The following CPNE4 variants were observed in gnomAD, a reference collection of about 807,000 sequenced individuals.
CPNE4 encodes copine-4.
Under a neutral mutation model 67.9 loss-of-function variants are expected in CPNE4, and 25 were observed. The observed-to-expected ratio is 0.37, with a 90% confidence interval of 0.27 to 0.51. The LOEUF (loss-of-function observed/expected upper bound fraction) is 0.51. CPNE4 is among the 20% of genes least tolerant of loss of function. The pLI, the probability that CPNE4 is intolerant of heterozygous loss-of-function variation, is 0.93. For synonymous variants in CPNE4, 242 were observed against 244.9 expected (o/e 0.99, Z 0.11); for missense variants, 464 against 690.8 (o/e 0.67, Z 3.68).
At chr3:131,929,597 C>T (rs1027204804) in intron 1 of CPNE4, among the ~76,000 whole-genome samples, 2 of 152,106 alleles carry the variant, frequency 1.3e-5, no homozygotes, top group Non-Finnish European at 2.9e-5. Flanking sequence ...AGGGAAATCC[C>T]TCACAGATCT....
chr3:131,788,013 C>T (rs911969167), intron 2 of CPNE4, among the ~76,000 whole-genome samples: 5 of 151,844 alleles, frequency 3.3e-5, no homozygotes, highest in Non-Finnish European at 7.4e-5. Flanking sequence ...AAATGAATGG[C>T]GAATGTACCA....
At chr3:131,852,603 A>G (rs2086280948) in intron 2 of CPNE4, among the ~76,000 whole-genome samples, 1 of 151,928 alleles carries the variant, frequency 6.6e-6, no homozygotes, top group African/African-American at 2.4e-5. Flanking sequence ...AAGATCAGGA[A>G]CAAGGTAAAG....
intron 7 of CPNE4, among the ~76,000 whole-genome samples, chr3:131,613,949 T>C (rs1939995808): frequency 6.6e-6 from 1 of 152,156 alleles, no homozygotes; most frequent in Admixed American, 6.5e-5. Flanking sequence ...AAGATGTATT[T>C]TTAAACTTAA....
intron 2 of CPNE4, among the ~76,000 whole-genome samples, chr3:131,879,150 CAG>C (rs1323375348): frequency 7.5e-6 from 1 of 133,882 alleles, no homozygotes; most frequent in African/African-American, 3.0e-5. Context: ...GAGACATACT[CAG>C]AGTGTTTGTT....
intron 2 of CPNE4, among the ~76,000 whole-genome samples, chr3:131,852,300 TATACAAGAAGGATA>T (rs1163889251): frequency 6.6e-6 from 1 of 151,968 alleles, no homozygotes; most frequent in African/African-American, 2.4e-5. Context: ...AACCCATCAA[TATACAAGAAGGATA>T]ATACATTATA....
At chr3:131,938,872 G>T (rs79306841) in intron 1 of CPNE4, among the ~76,000 whole-genome samples, 26,358 of 152,042 alleles carry the variant, frequency 0.17, 2,612 homozygotes, top group East Asian at 0.31. Flanking sequence ...CTCAAGTCAG[G>T]AATAAGACAT....
At chr3:131,560,722 T>C (rs1225870795) in intron 11 of CPNE4, among the ~76,000 whole-genome samples, 1 of 152,034 alleles carries the variant, frequency 6.6e-6, no homozygotes, top group African/African-American at 2.4e-5. Context: ...AGATGCTGCA[T>C]AGGACCTTAG....
chr3:131,809,544 A>G (rs1583240127), intron 2 of CPNE4, among the ~76,000 whole-genome samples: 1 of 108,076 alleles, frequency 9.3e-6, no homozygotes, highest in Non-Finnish European at 1.8e-5. Flanking sequence ...ATAAATACCC[A>G]GAAAAAGTGA....
At chr3:132,034,333 C>A (rs866484711) in intron 1 of CPNE4, among the ~76,000 whole-genome samples, 1 of 152,204 alleles carries the variant, frequency 6.6e-6, no homozygotes, top group Non-Finnish European at 1.5e-5. Context: ...CGCCCCACCC[C>A]ACCTGGGCGA....
At chr3:131,872,097 G>A (rs906307682) in intron 2 of CPNE4, among the ~76,000 whole-genome samples, 11 of 152,140 alleles carry the variant, frequency 7.2e-5, no homozygotes, top group African/African-American at 2.7e-4. Flanking sequence ...TGTGACAGAA[G>A]TGCATGACCT....
chr3:131,846,979 C>T (rs1335489787), intron 2 of CPNE4, among the ~76,000 whole-genome samples: 2 of 152,112 alleles, frequency 1.3e-5, no homozygotes, highest in East Asian at 3.9e-4. Flanking sequence ...ACCTACAGCC[C>T]ACAGCTTGAA....
chr3:131,614,383 T>G (rs2107746892), intron 7 of CPNE4, among the ~76,000 whole-genome samples: 1 of 152,306 alleles, frequency 6.6e-6, no homozygotes, highest in African/African-American at 2.4e-5. Flanking sequence ...ATGTGATAAC[T>G]TACTAGGAAC....
intron 2 of CPNE4, among the ~76,000 whole-genome samples, chr3:131,812,705 G>A (rs1242515435): frequency 6.6e-6 from 1 of 152,204 alleles, no homozygotes; most frequent in African/African-American, 2.4e-5. Flanking sequence ...TGACTTACAA[G>A]AGAGTAAGTT....
chr3:131,678,547 A>G (rs1322084521), intron 6 of CPNE4, among the ~76,000 whole-genome samples: 1 of 152,094 alleles, frequency 6.6e-6, no homozygotes, highest in Non-Finnish European at 1.5e-5. Context: ...GCTTTTTCCC[A>G]TTCAGTATGA....
At chr3:131,675,305 C>T (rs561095306) in intron 6 of CPNE4, among the ~76,000 whole-genome samples, 3 of 152,218 alleles carry the variant, frequency 2.0e-5, no homozygotes, top group Non-Finnish European at 1.5e-5. Context: ...TTGAAATGTT[C>T]TGTAAATATC....
intron 10 of CPNE4, among the ~76,000 whole-genome samples, chr3:131,568,289 G>C (rs1480697398): frequency 1.3e-5 from 2 of 152,058 alleles, no homozygotes; most frequent in African/African-American, 2.4e-5. Context: ...CTTCCACCAA[G>C]AATTCTCTGT....
chr3:131,561,358 C>CGT (rs1439699441), intron 11 of CPNE4, among the ~76,000 whole-genome samples: 2 of 151,072 alleles, frequency 1.3e-5, no homozygotes, highest in Non-Finnish European at 3.0e-5. Context: ...TGTGTGTGTG[C>CGT]GCACATACAT....
At chr3:131,909,678 C>G (rs1426381988) in intron 1 of CPNE4, among the ~76,000 whole-genome samples, 1 of 152,128 alleles carries the variant, frequency 6.6e-6, no homozygotes, top group East Asian at 1.9e-4. Context: ...CGTTGGCCAT[C>G]ATACTTGCTT....
intron 2 of CPNE4, among the ~76,000 whole-genome samples, chr3:131,812,461 A>G (rs1353908563): frequency 6.6e-6 from 1 of 152,184 alleles, no homozygotes; most frequent in Non-Finnish European, 1.5e-5. Flanking sequence ...AAACAAAGAT[A>G]TTGGAGCCTA....
Sources: gnomAD v4.1 joint callset for allele counts (sites outside exome capture counted in the v4.1 genomes callset) on GRCh38, gnomAD v4.1.1 for gene constraint, MANE v1.5 for transcripts, NCBI Gene and HGNC (gene_info 2026-07-23, HGNC 2026-07-21) for gene names.